The following FBLN2 variants were observed in gnomAD, a reference collection of about 807,000 sequenced individuals.
The protein encoded by FBLN2 is fibulin-2.
Under a neutral mutation model 123.7 loss-of-function variants are expected in FBLN2, and 81 were observed. The ratio of observed to expected loss-of-function variants is 0.65; its 90% CI spans 0.55 to 0.79. FBLN2 has a LOEUF of 0.79. Ranked by LOEUF, FBLN2 falls within the 30% of genes least tolerant of loss-of-function variation. FBLN2 has a pLI of 0.00. For missense variants in FBLN2, 1,603 were observed against 1,681.3 expected, an observed-to-expected ratio of 0.95 and a Z score of 0.81; for synonymous variants, 699 against 701.4, an observed-to-expected ratio of 1.00 and a Z score of 0.05.
chr3:13,602,529 T>G (rs893838310), intron 2 of FBLN2, among the ~76,000 whole-genome samples: 2 of 152,256 alleles, frequency 1.3e-5, no homozygotes, highest in African/African-American at 4.8e-5. Context: ...TTGACATCTT[T>G]AAGGTACATA....
At chr3:13,617,738 AC>A (rs1249840766) in intron 5 of FBLN2, among the ~76,000 whole-genome samples, 9 of 19,766 alleles carry the variant, frequency 4.6e-4, no homozygotes, top group East Asian at 2.4e-3. Context: ...CACCCCCCCC[AC>A]CCCCCCACCC....
chr3:13,599,247 G>A (rs76278828), intron 2 of FBLN2, among the ~76,000 whole-genome samples: 2,383 of 152,342 alleles, frequency 0.016, 54 homozygotes, highest in African/African-American at 0.053. Context: ...GGAAGTTAGG[G>A]AGACCCTCTC....
rs1460939487 is a variant in FBLN2, at chr3:13,570,730, A to G, written c.375A>G (p.Val125=). The change falls in exon 2 of 18, where the codon GTA becomes GTG. Residue 125 remains valine (V), a synonymous_variant. Coordinates refer to ENST00000404922, the MANE Select transcript of FBLN2 (RefSeq NM_001004019.2). ...TGCCGCCCAACTGCATCGAGGCTGT[A>G]GTGGTGGCTGACAGCTGCCCACAGT... ...PELPPNCIEA[V]VVADSCPQCG... is the part of the protein sequence containing the mutation. 1 of 1,601,426 alleles carries G rather than the reference A, an allele frequency of 6.2e-7. No individual in the cohort carries two copies. Among genetic ancestry groups the G allele is most frequent in the Non-Finnish European group, 8.5e-7 (1 of 1,174,498 alleles).
At chr3:13,593,876 G>A (rs1403690741) in intron 2 of FBLN2, among the ~76,000 whole-genome samples, 1 of 152,138 alleles carries the variant, frequency 6.6e-6, no homozygotes, top group African/African-American at 2.4e-5. Context: ...CCATTAGCAA[G>A]TATGAATTCT....
At chr3:13,599,506 C>CG (rs1704954067) in intron 2 of FBLN2, among the ~76,000 whole-genome samples, 1 of 151,924 alleles carries the variant, frequency 6.6e-6, no homozygotes. Flanking sequence ...GTGGAGACCA[C>CG]GGGGGGTCAT....
intron 1 of FBLN2, among the ~76,000 whole-genome samples, chr3:13,564,884 G>A (rs917498151): frequency 6.6e-6 from 1 of 152,230 alleles, no homozygotes; most frequent in Admixed American, 6.5e-5. Flanking sequence ...GTTTGTTTTT[G>A]TGGTAGGTTG....
chr3:13,584,087 G>C (rs543180415), intron 2 of FBLN2, among the ~76,000 whole-genome samples: 4 of 152,178 alleles, frequency 2.6e-5, no homozygotes, highest in African/African-American at 9.7e-5. Flanking sequence ...AAGGGCAGTC[G>C]CTCCTGCTGT....
intron 14 of FBLN2, 132 bp downstream of exon 14, chr3:13,630,077 C>T: frequency 7.6e-7 from 1 of 1,313,186 alleles, no homozygotes. Context: ...CCATGCTGGC[C>T]CTTCCTTCCT....
intron 2 of FBLN2, among the ~76,000 whole-genome samples, chr3:13,605,866 G>T (rs367725997): frequency 6.6e-6 from 1 of 152,082 alleles, no homozygotes; most frequent in African/African-American, 2.4e-5. Flanking sequence ...GAGAAAAGGG[G>T]GTCCCCACCT....
rs1046542003 is a variant in FBLN2, at chr3:13,622,632, A to G, written c.2296+717A>G. 5.3e-5 allele frequency among the ~76,000 whole-genome samples: 8 copies of G among 152,358 alleles called. No homozygotes were observed. The South Asian group carries it at 8.3e-4, about 16-fold the overall frequency. ...CTCATACCCGGCACCTGGCCTGCAC[A>G]TCGCCCGGGTTGGTGCTCAGTGATG... is the stretch of plus-strand genomic sequence containing the variant. On this transcript the variant is annotated intron_variant, in intron 9 of 17. Coordinates refer to ENST00000404922, the MANE Select transcript of FBLN2 (RefSeq NM_001004019.2).
intron 16 of FBLN2, 137 bp downstream of exon 16, chr3:13,631,594 A>G (rs892015115): frequency 1.9e-6 from 2 of 1,059,442 alleles, no homozygotes; most frequent in South Asian, 1.7e-5. Context: ...GGCCAATGCT[A>G]CCAGTGGCCA....
At chr3:13,552,938 C>G (rs1399159168) in intron 1 of FBLN2, among the ~76,000 whole-genome samples, 1 of 152,114 alleles carries the variant, frequency 6.6e-6, no homozygotes, top group Admixed American at 6.5e-5. Flanking sequence ...CCAGGGGTGC[C>G]TGCATGGGTT....
chr3:13,550,769 G>T (rs907455362), intron 1 of FBLN2, among the ~76,000 whole-genome samples: 5 of 152,222 alleles, frequency 3.3e-5, no homozygotes, highest in Middle Eastern at 3.2e-3. Context: ...CCCTTCTGCA[G>T]CTGAGCTGTG....
rs753582278 is a variant in FBLN2 at position 13,614,016 on chromosome 3, CGTG to C, written c.1582_1584del (p.Val528del). The C allele has an allele frequency of 3.1e-6, 5 of 1,613,176 alleles. No homozygotes were observed. The East Asian group carries it at 8.9e-5, about 29-fold the overall frequency. On this transcript the variant is annotated inframe_deletion, in exon 5 of 18. Transcript: ENST00000404922. ...GTGACTGCTGTGGCCTGGGCCTCCG[CGTG>C]CGGGCCGAGGGCCAGTCGTGTGAGT...
At chr3:13,576,152 G>T (rs541197801) in intron 2 of FBLN2, among the ~76,000 whole-genome samples, 2 of 152,336 alleles carry the variant, frequency 1.3e-5, no homozygotes, top group South Asian at 4.1e-4. Flanking sequence ...CATGGTCCAT[G>T]CCCAGCAAGT....
chr3:13,559,105 G>A (rs1261137518), intron 1 of FBLN2, among the ~76,000 whole-genome samples: 2 of 152,034 alleles, frequency 1.3e-5, no homozygotes, highest in African/African-American at 4.8e-5. Context: ...TTTATCCTTG[G>A]GCCACAGGAC....
intron 4 of FBLN2, among the ~76,000 whole-genome samples, chr3:13,610,684 T>C (rs938426129): frequency 2.0e-5 from 3 of 152,104 alleles, no homozygotes. Context: ...GGGTGTCAGT[T>C]TGGCTACAAG....
intron 9 of FBLN2, among the ~76,000 whole-genome samples, chr3:13,622,389 G>A (rs1705884700): frequency 6.6e-6 from 1 of 152,196 alleles, no homozygotes. Context: ...ATGTATGTGG[G>A]GTAGCACAGA....
rs765879608 is a variant in FBLN2, at chr3:13,637,559, C to A, written c.3339-3C>A. On this transcript the variant is annotated splice_polypyrimidine_tract_variant and splice_region_variant and intron_variant, in intron 17 of 17. Coordinates refer to ENST00000404922, the MANE Select transcript of FBLN2 (RefSeq NM_001004019.2). ...TGGGTGACCCGGCCTATCCTCCCTG[C>A]AGGAAGTGCGAGCGCACCACGTGCC... 5.6e-6 allele frequency: 9 copies of A among 1,597,814 alleles called. No homozygotes were observed. In the South Asian group the frequency reaches 9.0e-5, roughly 16 times the overall value.
Sources: allele counts gnomAD v4.1 joint callset (sites outside exome capture counted in the v4.1 genomes callset), GRCh38; gene constraint gnomAD v4.1.1; transcripts MANE v1.5; gene names NCBI Gene and HGNC (gene_info 2026-07-23, HGNC 2026-07-21).